ABCA13: variants seen among roughly 807,000 people sequenced by gnomAD.
The protein encoded by ABCA13 is ATP binding cassette subfamily A member 13.
A neutral mutation model predicts 478.7 loss-of-function variants in ABCA13; 476 were observed. The ratio of observed to expected loss-of-function variants is 0.99; its 90% CI spans 0.92 to 1.07. The LOEUF (loss-of-function observed/expected upper bound fraction) is 1.07, where lower values mean the gene tolerates loss of function less well. Among genes scored for constraint, ABCA13 ranks in the 50% least tolerant of loss-of-function variants. The pLI is 0.00. For missense variants in ABCA13, 6,060 were observed against 5,910.6 expected (o/e 1.03, Z -0.83); for synonymous variants, 2,252 against 2,158.9 (o/e 1.04, Z -1.20).
At chr7:48,212,145 T>G (rs977949482) in intron 3 of ABCA13, among the ~76,000 whole-genome samples, 2 of 152,192 alleles carry the variant, frequency 1.3e-5, no homozygotes, top group African/African-American at 2.4e-5. Flanking sequence ...GATGCTCATC[T>G]GGCTCAGGGC....
intron 55 of ABCA13, among the ~76,000 whole-genome samples, chr7:48,561,739 T>C (rs1372926740): frequency 6.6e-6 from 1 of 152,144 alleles, no homozygotes. Flanking sequence ...TTTGATATAA[T>C]CCCGTTTGTC....
At chr7:48,516,614 A>G in intron 51 of ABCA13, 111 bp from the exon 52 acceptor site, 4 of 1,057,984 alleles carry the variant, frequency 3.8e-6, no homozygotes, top group Non-Finnish European at 5.6e-6. Flanking sequence ...GGATTCAGTA[A>G]TATCTGCATT....
chr7:48,279,649 G>A lies in ABCA13; in HGVS notation c.8455G>A (p.Val2819Ile), dbSNP rs762331188. 2 of 1,613,314 alleles carry A rather than the reference G, an allele frequency of 1.2e-6. No individual in the cohort carries two copies. Among genetic ancestry groups the A allele is most frequent in the Non-Finnish European group, 1.7e-6 (2 of 1,179,682 alleles). Residue 2819 changes from valine (V) to isoleucine (I), a missense_variant, in exon 18 of 62, where the codon GTT becomes ATT. Transcript: ENST00000435803. The part of the protein sequence containing the change: ...HHQLEKAIHN[V>I]LSRIALWRKG... Reference sequence around the variant, plus strand: ...TCAACTTGAAAAAGCAATCCATAATGTTTTAAGTAGAATAGCTCTCTGGAG... The same window carrying A: ...TCAACTTGAAAAAGCAATCCATAATATTTTAAGTAGAATAGCTCTCTGGAG...
intron 38 of ABCA13, among the ~76,000 whole-genome samples, chr7:48,403,053 G>A (rs1210187979): frequency 1.3e-5 from 2 of 152,240 alleles, no homozygotes; most frequent in East Asian, 3.8e-4. Context: ...GAGGGGTAAA[G>A]TTTCACATGG....
In ABCA13 at chr7:48,276,120, G is replaced by GA; in HGVS notation, c.6455dup (p.Ser2153GlufsTer4). ...AACATTATTCATTCCTGTGACCAATGAGAGTTCAACTGAAGATATAGCTTT... is the reference window on the plus strand; with the variant it reads ...AACATTATTCATTCCTGTGACCAATGAAGAGTTCAACTGAAGATATAGCTTT... On this transcript the variant is annotated frameshift_variant, in exon 17 of 62. Coordinates refer to ENST00000435803, the MANE Select transcript of ABCA13 (RefSeq NM_152701.5). LOFTEE classifies it high-confidence loss of function. 1.3e-6 allele frequency: 2 copies of GA among 1,597,880 alleles called. No homozygotes were observed. Among genetic ancestry groups the GA allele is most frequent in the African/African-American group, 2.7e-5 (2 of 74,374 alleles).
At chr7:48,434,233 T>C (rs1362349206) in intron 42 of ABCA13, among the ~76,000 whole-genome samples, 1 of 152,034 alleles carries the variant, frequency 6.6e-6, no homozygotes, top group Non-Finnish European at 1.5e-5. Flanking sequence ...TATCTCACTG[T>C]GGTTTTGATT....
At chr7:48,513,850 TA>T (rs1366822758) in intron 51 of ABCA13, among the ~76,000 whole-genome samples, 1 of 152,138 alleles carries the variant, frequency 6.6e-6, no homozygotes, top group East Asian at 1.9e-4. Context: ...GAAAATGTAG[TA>T]AAAAAAGTGA....
chr7:48,302,053 C>T (rs1165229050), intron 23 of ABCA13, among the ~76,000 whole-genome samples: 3 of 152,156 alleles, frequency 2.0e-5, no homozygotes, highest in South Asian at 4.1e-4. Context: ...GGGCATTTCT[C>T]TTCTTTCACA....
intron 55 of ABCA13, among the ~76,000 whole-genome samples, chr7:48,559,176 G>C (rs1786186695): frequency 6.6e-6 from 1 of 152,166 alleles, no homozygotes; most frequent in South Asian, 2.1e-4. Flanking sequence ...CCAGGGATTA[G>C]AGTCAAGTAT....
Position 48,279,693 on chromosome 7 carries a change from C to G in ABCA13, c.8499C>G (p.Asn2833Lys). 6.2e-7 allele frequency: 1 copy of G among 1,613,532 alleles called. No homozygotes were observed. The highest frequency in any genetic ancestry group is 2.2e-5 in the East Asian group (1 of 44,794). ...TCTGGAGGAAAGGACTTCTGTTTAA[C>G]AACTCTGAATGGATAACTTCCACAA... Reference protein sequence around the residue: ...IALWRKGLLFNNSEWITSTRT... With the variant: ...IALWRKGLLFKNSEWITSTRT... The change falls in exon 18 of 62, where the codon AAC (asparagine) becomes AAG (lysine). Residue 2833 changes from asparagine (N) to lysine (K), a missense_variant. Asn to Lys is a moderately conservative substitution (Grantham distance 94, BLOSUM62 0). Transcript: ENST00000435803.
At chr7:48,554,702 A>C (rs1785615140) in intron 55 of ABCA13, among the ~76,000 whole-genome samples, 1 of 151,600 alleles carries the variant, frequency 6.6e-6, no homozygotes, top group African/African-American at 2.4e-5. Flanking sequence ...TTTGTTTATC[A>C]GTTCTAGTAG....
intron 56 of ABCA13, among the ~76,000 whole-genome samples, chr7:48,583,608 A>G (rs1788908145): frequency 6.6e-6 from 1 of 152,230 alleles, no homozygotes; most frequent in African/African-American, 2.4e-5. Flanking sequence ...ATGCATCCGC[A>G]AACGAAAGCA....
At chr7:48,256,480 A>T (rs779147405) in intron 15 of ABCA13, among the ~76,000 whole-genome samples, 2 of 151,924 alleles carry the variant, frequency 1.3e-5, no homozygotes, top group Non-Finnish European at 2.9e-5. Context: ...TTTATATGAG[A>T]TGAGAAAGGG....
In ABCA13 at chr7:48,279,776, T is replaced by C; in HGVS notation, c.8582T>C (p.Val2861Ala). The part of the protein sequence containing the change: ...IFIKATTGKN[V>A]TSEKEERTKK... The stretch of plus-strand genomic sequence containing the variant: ...ATTAAAGCAACCACCGGAAAGAATG[T>C]CACATCAGAAAAAGAAGAGAGAACC... Residue 2861 changes from valine to alanine, a missense_variant, in exon 18 of 62, where the codon GTC becomes GCC. This residue lies in a region of ABCA13 where 4,423 missense variants were observed against 4,309.1 expected (regional missense o/e 1.03). Coordinates refer to ENST00000435803, the MANE Select transcript of ABCA13 (RefSeq NM_152701.5). 1 of 1,607,942 alleles carries C rather than the reference T, an allele frequency of 6.2e-7. No homozygotes were observed. The highest frequency in any genetic ancestry group is 8.5e-7 in the Non-Finnish European group (1 of 1,178,416).
intron 8 of ABCA13, among the ~76,000 whole-genome samples, chr7:48,237,294 C>T (rs1230044527): frequency 6.6e-6 from 1 of 152,086 alleles, no homozygotes; most frequent in African/African-American, 2.4e-5. Context: ...GCTACACCTA[C>T]ATTTTAGCAG....
At chr7:48,558,246 CTTTTTCTTTTTTT>C (rs1242241003) in intron 55 of ABCA13, among the ~76,000 whole-genome samples, 50 of 125,470 alleles carry the variant, frequency 4.0e-4, no homozygotes, top group African/African-American at 1.5e-3. Context: ...TCTCTTTTTT[CTTTTTCTTTTTTT>C]TTTTTTGACA....
At chr7:48,539,873 C>T (rs1055706206) in intron 55 of ABCA13, among the ~76,000 whole-genome samples, 2 of 152,202 alleles carry the variant, frequency 1.3e-5, no homozygotes, top group African/African-American at 4.8e-5. Context: ...TCAAATCTAT[C>T]TTGCTCCAAA....
chr7:48,622,094 T>C (rs1449104627), intron 59 of ABCA13, among the ~76,000 whole-genome samples: 1 of 152,162 alleles, frequency 6.6e-6, no homozygotes, highest in Non-Finnish European at 1.5e-5. Flanking sequence ...TATGACCCTC[T>C]GGCCTATTTC....
At chr7:48,346,119 G>C (rs1223729644) in intron 29 of ABCA13, among the ~76,000 whole-genome samples, 1 of 152,142 alleles carries the variant, frequency 6.6e-6, no homozygotes, top group Admixed American at 6.5e-5. Context: ...AGTCCACTCT[G>C]TGATGTTCAC....
Sources: allele counts gnomAD v4.1 joint callset (sites outside exome capture counted in the v4.1 genomes callset), GRCh38; gene constraint gnomAD v4.1.1; regional missense constraint gnomAD v4.1.1; transcripts MANE v1.5; gene names NCBI Gene and HGNC (gene_info 2026-07-23, HGNC 2026-07-21).